GABRB3: variants seen among roughly 807,000 people sequenced by gnomAD.
The protein encoded by GABRB3 is gamma-aminobutyric acid type A receptor subunit beta3.
In GABRB3, 14 loss-of-function variants were observed where a neutral mutation model predicts 52.1. The ratio of observed to expected loss-of-function variants is 0.27; its 90% confidence interval spans 0.18 to 0.42. GABRB3 has a LOEUF of 0.42. GABRB3 is among the 10% of genes least tolerant of loss of function. GABRB3 has a pLI of 1.00. For synonymous variants in GABRB3, 260 were observed against 232.3 expected (o/e 1.12, Z -1.08); for missense variants, 307 against 609.1 (o/e 0.50, Z 5.22).
chr15:26,674,354 TCACGCCAC>T lies in GABRB3; in HGVS notation c.241-52828_241-52821del, dbSNP rs1200023687. On this transcript the variant is annotated intron_variant, in intron 3 of 8. Coordinates refer to ENST00000311550, the MANE Select transcript of GABRB3 (RefSeq NM_000814.6). ...AGGCGAAGGCTGCAGTGAGCCGAGA[TCACGCCAC>T]TGCACTCCAGCCTGGGTGACAGAGC... Among the ~76,000 whole-genome samples, 11 of 125,036 alleles carry T rather than the reference TCACGCCAC, an allele frequency of 8.8e-5. No individual in the cohort carries two copies. The East Asian group carries it at 2.4e-3, about 27-fold the overall frequency. 82.0% of individuals were successfully genotyped at this position (125,036 alleles called of 152,430 possible). A position where few individuals can be genotyped will look rare whatever the true frequency, so the allele number is the denominator to read the frequency against.
intron 3 of GABRB3, among the ~76,000 whole-genome samples, chr15:26,663,104 A>T (rs935473083): frequency 1.3e-5 from 2 of 152,074 alleles, no homozygotes; most frequent in African/African-American, 4.8e-5. Flanking sequence ...ATCTCATCAC[A>T]TGTATAGGTT....
chr15:26,772,287 G>A (rs905792320), intron 3 of GABRB3, 115 bp downstream of exon 3: 5 of 914,062 alleles, frequency 5.5e-6, no homozygotes, highest in Admixed American at 2.3e-5. Flanking sequence ...TCCCTCTGCG[G>A]ACCGGGGAAA....
At chr15:26,635,636 T>C (rs1161501980) in intron 3 of GABRB3, among the ~76,000 whole-genome samples, 2 of 152,220 alleles carry the variant, frequency 1.3e-5, no homozygotes, top group Admixed American at 6.5e-5. Flanking sequence ...ATGGGTTTTT[T>C]ACTCCCTTTC....
intron 4 of GABRB3, among the ~76,000 whole-genome samples, chr15:26,589,279 T>G (rs1891106529): frequency 6.6e-6 from 1 of 152,242 alleles, no homozygotes; most frequent in Non-Finnish European, 1.5e-5. Flanking sequence ...TGTTGCTGTC[T>G]GATGGTCAGG....
chr15:26,581,690 T>A (rs1890796454), intron 5 of GABRB3, among the ~76,000 whole-genome samples: 1 of 152,204 alleles, frequency 6.6e-6, no homozygotes, highest in Admixed American at 6.5e-5. Flanking sequence ...CACCTCCAGA[T>A]CTTCACATAG....
intron 3 of GABRB3, among the ~76,000 whole-genome samples, chr15:26,664,700 C>G (rs987704327): frequency 2.2e-5 from 2 of 92,784 alleles, no homozygotes; most frequent in Non-Finnish European, 4.5e-5. Context: ...CTTTTCTTTT[C>G]TTTGTTTTTT....
At chr15:26,564,851 A>G (rs1567110222) in intron 7 of GABRB3, among the ~76,000 whole-genome samples, 1 of 152,208 alleles carries the variant, frequency 6.6e-6, no homozygotes, top group East Asian at 1.9e-4. Flanking sequence ...CTTTTACAAC[A>G]TAGTAGACCA....
In GABRB3 at chr15:26,671,517, C is replaced by T. The variant is rs113156664; in HGVS notation, c.241-49983G>A. ...AAAGAGAATCTCTGGGTGAGGGCTT[C>T]CCGTTTCGAGAGTGCTTTAAACATT... On this transcript the variant is annotated intron_variant, in intron 3 of 8. Coordinates refer to ENST00000311550, the MANE Select transcript of GABRB3 (RefSeq NM_000814.6). Among the ~76,000 whole-genome samples the T allele has an allele frequency of 2.2e-3, 340 of 152,244 alleles. 2 individuals carry two copies. Among genetic ancestry groups the T allele is most frequent in the South Asian group, 0.01 (50 of 4,814 alleles).
chr15:26,651,837 C>A (rs1440434547), intron 3 of GABRB3, among the ~76,000 whole-genome samples: 1 of 152,174 alleles, frequency 6.6e-6, no homozygotes, highest in East Asian at 1.9e-4. Flanking sequence ...AAATATATTT[C>A]TTTGACATAT....
intron 4 of GABRB3, among the ~76,000 whole-genome samples, chr15:26,602,306 A>G (rs1219654803): frequency 6.6e-6 from 1 of 152,178 alleles, no homozygotes; most frequent in African/African-American, 2.4e-5. Flanking sequence ...CCTTACAGAA[A>G]TCACTAAAGA....
intron 3 of GABRB3, among the ~76,000 whole-genome samples, chr15:26,655,382 C>A (rs911073330): frequency 6.6e-6 from 1 of 152,144 alleles, no homozygotes; most frequent in Non-Finnish European, 1.5e-5. Flanking sequence ...CAAGTTTCCA[C>A]ATTATTATTT....
rs73370141 is a variant in GABRB3 at position 26,687,383 on chromosome 15, G to A, written c.241-65849C>T. On this transcript the variant is annotated intron_variant, in intron 3 of 8. Coordinates refer to ENST00000311550, the MANE Select transcript of GABRB3 (RefSeq NM_000814.6). ...CTCATATAAGTAACTGCATACAGAT[G>A]CAACTGCCTAGATACAAAAGAGGTG... is the stretch of plus-strand genomic sequence containing the variant. Among the ~76,000 whole-genome samples, 671 of 152,228 alleles carry A rather than the reference G, an allele frequency of 4.4e-3. 8 individuals are homozygous for A. Among genetic ancestry groups the A allele is most frequent in the African/African-American group, 0.015 (643 of 41,532 alleles).
intron 4 of GABRB3, among the ~76,000 whole-genome samples, chr15:26,594,474 G>A (rs921421533): frequency 6.6e-6 from 1 of 152,112 alleles, no homozygotes; most frequent in Non-Finnish European, 1.5e-5. Flanking sequence ...CTCATGTTTA[G>A]AGAATGTTTT....
At chr15:26,595,067 A>T (rs1340676501) in intron 4 of GABRB3, among the ~76,000 whole-genome samples, 1 of 152,162 alleles carries the variant, frequency 6.6e-6, no homozygotes, top group Non-Finnish European at 1.5e-5. Flanking sequence ...CTGCTTTTGC[A>T]TGACCTAATT....
At chr15:26,594,901 T>C (rs1017146733) in intron 4 of GABRB3, among the ~76,000 whole-genome samples, 1 of 152,218 alleles carries the variant, frequency 6.6e-6, no homozygotes, top group Non-Finnish European at 1.5e-5. Context: ...ACAGCATTCT[T>C]TCTCAGTCTT....
At chr15:26,662,641 T>C (rs1463188803) in intron 3 of GABRB3, among the ~76,000 whole-genome samples, 1 of 152,180 alleles carries the variant, frequency 6.6e-6, no homozygotes, top group Non-Finnish European at 1.5e-5. Context: ...CCCTGGTCCT[T>C]GCACGCACAG....
intron 3 of GABRB3, among the ~76,000 whole-genome samples, chr15:26,707,891 A>G (rs1459444480): frequency 6.6e-6 from 1 of 152,208 alleles, no homozygotes; most frequent in Non-Finnish European, 1.5e-5. Flanking sequence ...CTTATCAGAA[A>G]TACTTGGGAC....
At chr15:26,719,077 A>G (rs1889576483) in intron 3 of GABRB3, among the ~76,000 whole-genome samples, 1 of 152,236 alleles carries the variant, frequency 6.6e-6, no homozygotes, top group Non-Finnish European at 1.5e-5. Flanking sequence ...GCCTGCATGC[A>G]CCACACTGAC....
At chr15:26,713,980 G>A (rs1889387558) in intron 3 of GABRB3, among the ~76,000 whole-genome samples, 1 of 152,226 alleles carries the variant, frequency 6.6e-6, no homozygotes, top group Admixed American at 6.5e-5. Flanking sequence ...TGCCATGGCG[G>A]GGCTGAGGTG....
Sources: allele counts gnomAD v4.1 joint callset (sites outside exome capture counted in the v4.1 genomes callset), GRCh38; gene constraint gnomAD v4.1.1; transcripts MANE v1.5; gene names NCBI Gene and HGNC (gene_info 2026-07-23, HGNC 2026-07-21).